CARD8: variants seen among roughly 807,000 people sequenced by gnomAD.
The protein encoded by CARD8 is caspase recruitment domain-containing protein 8.
In CARD8, 38 loss-of-function variants were observed where a neutral mutation model predicts 53.2. The observed-to-expected ratio is 0.71, with a 90% CI of 0.55 to 0.94. The LOEUF (loss-of-function observed/expected upper bound fraction) is 0.94. CARD8 is among the 40% of genes least tolerant of loss of function. The probability of loss-of-function intolerance (pLI) is 0.00; values close to 1 mark genes in which losing one functional copy is unlikely to be tolerated. For synonymous variants in CARD8, 245 were observed against 244.9 expected (o/e 1.00, Z 0.00); for missense variants, 561 against 655.5 (o/e 0.86, Z 1.57).
intron 3 of CARD8, among the ~76,000 whole-genome samples, chr19:48,243,053 A>G (rs925519189): frequency 1.3e-5 from 2 of 152,232 alleles, no homozygotes; most frequent in African/African-American, 4.8e-5. Context: ...AAAGATAATT[A>G]GTGAAATACA....
At chr19:48,204,089 G>A (rs1188073246), downstream of CARD8, 25 of 448,216 alleles carry the variant, frequency 5.6e-5, no homozygotes, top group Admixed American at 5.8e-4. Flanking sequence ...AGCATTGTGG[G>A]GCCCGCTTGG....
chr19:48,224,004 C>T, intron 10 of CARD8: 1 of 425,400 alleles, frequency 2.4e-6, no homozygotes, highest in Non-Finnish European at 4.7e-6. Flanking sequence ...CTCTGTCACC[C>T]AGGCTGGAGT....
In CARD8 at chr19:48,211,636, T is replaced by C. The variant is rs2037982600; in HGVS notation, c.*74A>G. 4.3e-6 allele frequency: 6 copies of C among 1,411,650 alleles called. No individual in the cohort carries two copies. Among genetic ancestry groups the C allele is most frequent in the Non-Finnish European group, 9.8e-7 (1 of 1,024,406 alleles). 87.4% of individuals were successfully genotyped at this position (1,411,650 alleles called of 1,614,324 possible). A position where few individuals can be genotyped will look rare whatever the true frequency, so the allele number is the denominator to read the frequency against. On this transcript the variant is annotated 3_prime_UTR_variant, in exon 14 of 14. Transcript: ENST00000651546. Reference sequence around the variant, plus strand: ...CTTCTGTCTTGAACACTGAAATCAATGATCACATTTCTGTTTATCCATTTC... The same window carrying C: ...CTTCTGTCTTGAACACTGAAATCAACGATCACATTTCTGTTTATCCATTTC...
chr19:48,213,820 C>G (rs981217205), intron 13 of CARD8, among the ~76,000 whole-genome samples: 3 of 152,254 alleles, frequency 2.0e-5, no homozygotes, highest in African/African-American at 7.2e-5. Flanking sequence ...AACCCACACT[C>G]AATCATCCAC....
At position 48,230,484 on chromosome 19, in the gene CARD8, A is replaced by AT. The variant is rs1568781660; in HGVS notation, c.988dup (p.Ile330AsnfsTer2). 6.2e-7 allele frequency: 1 copy of AT among 1,613,846 alleles called. No individual in the cohort carries two copies. The highest frequency in any genetic ancestry group is 1.1e-5 in the South Asian group (1 of 91,062). ...GGGGACAAGGTACAAGTGGAACTTA[A>AT]TATCTTCGGGGTGGGGGTGATAATA... On this transcript the variant is annotated frameshift_variant, in exon 10 of 14. Transcript: ENST00000651546. LOFTEE classifies it high-confidence loss of function.
chr19:48,214,349 C>G (rs1368299200), intron 13 of CARD8, among the ~76,000 whole-genome samples: 2 of 152,194 alleles, frequency 1.3e-5, no homozygotes, highest in East Asian at 1.9e-4. Context: ...CAGCCGGCAC[C>G]AGGGAAAGGC....
intron 1 of CARD8, among the ~76,000 whole-genome samples, chr19:48,252,377 C>T (rs571309315): frequency 6.1e-4 from 92 of 151,832 alleles, no homozygotes; most frequent in African/African-American, 2.0e-3. Context: ...TAAATTATGA[C>T]ATTTTGGGTA....
chr19:48,247,149 C>T (rs1252209083), intron 3 of CARD8, among the ~76,000 whole-genome samples: 1 of 152,102 alleles, frequency 6.6e-6, no homozygotes, highest in East Asian at 1.9e-4. Flanking sequence ...CAAGGTGAAA[C>T]CCCGTCTCTA....
chr19:48,232,198 G>C (rs190338211), intron 7 of CARD8: 2 of 585,286 alleles, frequency 3.4e-6, no homozygotes, highest in East Asian at 2.9e-5. Context: ...AGAGGCGAAA[G>C]AGCGTGCATC....
At chr19:48,238,301 T>C in intron 5 of CARD8, 82 bp downstream of exon 5, 1 of 1,471,846 alleles carries the variant, frequency 6.8e-7, no homozygotes, top group Non-Finnish European at 9.0e-7. Context: ...CCTGCATGTC[T>C]TTGCTTCTTA....
intron 3 of CARD8, among the ~76,000 whole-genome samples, chr19:48,241,757 A>G (rs754038019): frequency 3.9e-5 from 6 of 152,268 alleles, no homozygotes; most frequent in Admixed American, 2.0e-4. Context: ...TGGGTTTAGG[A>G]ACCGTTGTCT....
intron 10 of CARD8, among the ~76,000 whole-genome samples, chr19:48,223,025 C>T (rs2040993867): frequency 6.6e-6 from 1 of 151,944 alleles, no homozygotes; most frequent in African/African-American, 2.4e-5. Flanking sequence ...AAGTAGAGGC[C>T]AGGTGCAGTG....
At chr19:48,222,876 T>C (rs2145820759) in intron 10 of CARD8, among the ~76,000 whole-genome samples, 1 of 152,322 alleles carries the variant, frequency 6.6e-6, no homozygotes, top group East Asian at 1.9e-4. Context: ...TCGACTCCCT[T>C]GCAGGATAAT....
At chr19:48,233,497 A>G (rs2043293686) in intron 6 of CARD8, 1 of 421,716 alleles carries the variant, frequency 2.4e-6, no homozygotes, top group Admixed American at 2.8e-5. Flanking sequence ...CTGGGCTGAC[A>G]TCCTAAGACT....
chr19:48,237,538 T>C (rs2044127642), intron 5 of CARD8, among the ~76,000 whole-genome samples: 1 of 152,104 alleles, frequency 6.6e-6, no homozygotes, highest in Non-Finnish European at 1.5e-5. Flanking sequence ...GACTCACGCC[T>C]GTAATCCCAG....
chr19:48,218,703 C>A (rs905526766), intron 12 of CARD8, among the ~76,000 whole-genome samples, 168 bp downstream of exon 12: 3 of 151,984 alleles, frequency 2.0e-5, no homozygotes, highest in African/African-American at 7.2e-5. Flanking sequence ...CCCAAAAGGC[C>A]CCAGTGTGTG....
chr19:48,231,097 G>A, intron 8 of CARD8, 91 bp from the exon 9 acceptor site: 1 of 1,085,122 alleles, frequency 9.2e-7, no homozygotes. Flanking sequence ...TTTGAAGTGA[G>A]GCAAGGTTCA....
downstream of CARD8, among the ~76,000 whole-genome samples, chr19:48,207,746 T>TTGTTTTTTTTTTTG (rs1568596157): frequency 7.5e-6 from 1 of 134,056 alleles, no homozygotes; most frequent in Non-Finnish European, 1.6e-5. Flanking sequence ...TTTTTTTTTT[T>TTGTTTTTTTTTTTG]TTTTTTTGAG....
rs180763860 is a variant in CARD8, at chr19:48,213,477, G to A, written c.1349-1502C>T. ...GCAATCTCCGCCCCTGGGTTCAAGC[G>A]ATTCTCCTGCCTCAGCCCCCCGAGT... On this transcript the variant is annotated intron_variant, in intron 13 of 13. Coordinates refer to ENST00000651546, the MANE Select transcript of CARD8 (RefSeq NM_001184900.3). Among the ~76,000 whole-genome samples, 608 of 152,252 alleles carry A rather than the reference G, an allele frequency of 4.0e-3. 4 individuals are homozygous for A. The highest frequency in any genetic ancestry group is 0.014 in the African/African-American group (578 of 41,546).
Sources: allele counts gnomAD v4.1 joint callset (sites outside exome capture counted in the v4.1 genomes callset), GRCh38; gene constraint gnomAD v4.1.1; transcripts MANE v1.5; gene names NCBI Gene and HGNC (gene_info 2026-07-23, HGNC 2026-07-21).